ANKFN1: variants seen among roughly 807,000 people sequenced by gnomAD.
The protein encoded by ANKFN1 is ankyrin repeat and fibronectin type-III domain-containing protein 1.
A neutral mutation model predicts 108.7 loss-of-function variants in ANKFN1; 74 were observed. That is an observed-to-expected ratio of 0.68 (90% CI 0.56 to 0.83). ANKFN1 has a LOEUF of 0.83. Among genes scored for constraint, ANKFN1 ranks in the 40% least tolerant of loss-of-function variants. The pLI is 0.00. For synonymous variants in ANKFN1, 547 were observed against 516.2 expected (o/e 1.06, Z -0.81); for missense variants, 1,505 against 1,382.3 (o/e 1.09, Z -1.41).
At chr17:56,492,468 G>A (rs2051072785) in intron 19 of ANKFN1, 115 bp downstream of exon 19, 2 of 589,694 alleles carry the variant, frequency 3.4e-6, no homozygotes, top group Non-Finnish European at 6.2e-6. Context: ...AACACGGTGT[G>A]TAAGTTGCCT....
At chr17:56,174,452 G>T (rs1910945803) in intron 1 of ANKFN1, 2 of 976,030 alleles carry the variant, frequency 2.0e-6, no homozygotes, top group Non-Finnish European at 2.4e-6. Flanking sequence ...ATTGCTTGAG[G>T]GTTCTCTGGC....
intron 1 of ANKFN1, among the ~76,000 whole-genome samples, chr17:56,186,232 T>C (rs1319458369): frequency 2.0e-5 from 3 of 152,196 alleles, no homozygotes; most frequent in Non-Finnish European, 2.9e-5. Flanking sequence ...AATAAAATTA[T>C]TGGAGCAAAT....
chr17:56,326,493 G>C, intron 4 of ANKFN1, 138 bp downstream of exon 4: 1 of 1,106,732 alleles, frequency 9.0e-7, no homozygotes, highest in African/African-American at 1.6e-5. Flanking sequence ...GCTGCAGGTG[G>C]TCCATGAAGA....
chr17:56,094,631 G>A (rs1287392388), intron 4 of ANKFN1, among the ~76,000 whole-genome samples: 3 of 147,234 alleles, frequency 2.0e-5, no homozygotes, highest in Admixed American at 6.8e-5. Context: ...AGCCTCCCGT[G>A]TAGCTGGGAC....
Position 56,153,538 on chromosome 17 carries a change from A to C in ANKFN1, c.-71+8A>C. 1 of 1,613,980 alleles carries C rather than the reference A, an allele frequency of 6.2e-7. No homozygotes were observed. Among genetic ancestry groups the C allele is most frequent in the Non-Finnish European group, 8.5e-7 (1 of 1,179,824 alleles). On this transcript the variant is annotated splice_region_variant and intron_variant, in intron 1 of 20. Coordinates refer to ENST00000682825, the MANE Select transcript of ANKFN1 (RefSeq NM_001370326.1). ...GAGGCGTCTCTAACCAGGGTAGGAA[A>C]ACAATAGTTCTAAATATCGGTAATT...
chr17:56,191,946 C>T (rs1458538181), intron 1 of ANKFN1, among the ~76,000 whole-genome samples: 5 of 151,734 alleles, frequency 3.3e-5, no homozygotes, highest in African/African-American at 4.8e-5. Context: ...CTTCCCTTCT[C>T]GCTTCATTTC....
intron 8 of ANKFN1, among the ~76,000 whole-genome samples, chr17:56,411,962 A>T (rs1256374276): frequency 6.6e-6 from 1 of 152,078 alleles, no homozygotes; most frequent in Non-Finnish European, 1.5e-5. Flanking sequence ...TTCTTGTGTT[A>T]TTCCTTGGCT....
At chr17:56,133,338 C>T (rs1907397493) in intron 4 of ANKFN1, among the ~76,000 whole-genome samples, 1 of 152,176 alleles carries the variant, frequency 6.6e-6, no homozygotes, top group African/African-American at 2.4e-5. Context: ...CCAAAGTAAA[C>T]TAACCCCACA....
At chr17:56,435,607 T>C (rs151205123) in intron 8 of ANKFN1, among the ~76,000 whole-genome samples, 99 of 152,170 alleles carry the variant, frequency 6.5e-4, no homozygotes, top group African/African-American at 2.3e-3. Flanking sequence ...AGTGGAGGAT[T>C]TGGGTGATGT....
intron 4 of ANKFN1, among the ~76,000 whole-genome samples, chr17:56,056,360 T>A: frequency 8.2e-6 from 1 of 121,544 alleles, no homozygotes; most frequent in Non-Finnish European, 1.6e-5. Context: ...CCCTGAATAG[T>A]CAAAACAATT....
At chr17:56,243,067 C>T (rs965150472) in intron 3 of ANKFN1, among the ~76,000 whole-genome samples, 2 of 151,996 alleles carry the variant, frequency 1.3e-5, no homozygotes, top group Non-Finnish European at 2.9e-5. Flanking sequence ...GCAAATGTTC[C>T]ATTCAATTTT....
chr17:56,216,917 G>T lies in ANKFN1; in HGVS notation c.12+4238G>T, dbSNP rs143894975. Among the ~76,000 whole-genome samples the T allele has an allele frequency of 3.7e-4, 57 of 152,260 alleles. 1 individual carries two copies. The highest frequency in any genetic ancestry group is 1.2e-3 in the African/African-American group (50 of 41,560). ...GAGAAATAATGCTCAAACAAGGAAA[G>T]CTTCTATTGTAGGATGTGAAATAAA... On this transcript the variant is annotated intron_variant, in intron 2 of 20. Coordinates refer to ENST00000682825, the MANE Select transcript of ANKFN1 (RefSeq NM_001370326.1).
chr17:56,171,977 G>A (rs1418414722), intron 1 of ANKFN1, among the ~76,000 whole-genome samples: 1 of 149,204 alleles, frequency 6.7e-6, no homozygotes, highest in African/African-American at 2.5e-5. Flanking sequence ...GCATCCTTTG[G>A]TATTTGCTGT....
At chr17:56,336,562 A>G (rs537752106) in intron 4 of ANKFN1, among the ~76,000 whole-genome samples, 1 of 152,086 alleles carries the variant, frequency 6.6e-6, no homozygotes, top group South Asian at 2.1e-4. Context: ...ATCGGTGGTG[A>G]TATCCCCTTT....
chr17:56,248,387 G>C (rs1011719607), intron 3 of ANKFN1, among the ~76,000 whole-genome samples: 1 of 152,106 alleles, frequency 6.6e-6, no homozygotes, highest in African/African-American at 2.4e-5. Flanking sequence ...CCCAAAGTTT[G>C]TTCTGCTTCT....
At chr17:56,186,720 C>T (rs1174650648) in intron 1 of ANKFN1, among the ~76,000 whole-genome samples, 2 of 152,176 alleles carry the variant, frequency 1.3e-5, no homozygotes, top group African/African-American at 2.4e-5. Context: ...AGACTAGCTG[C>T]GTGTTGCTTA....
chr17:56,451,654 GATA>G (rs1396663790), intron 11 of ANKFN1, among the ~76,000 whole-genome samples: 4 of 152,066 alleles, frequency 2.6e-5, no homozygotes, highest in Non-Finnish European at 5.9e-5. Flanking sequence ...GCAAAGTCAG[GATA>G]ATATTACCTA....
At chr17:56,112,994 CAA>C (rs890605703) in intron 4 of ANKFN1, among the ~76,000 whole-genome samples, 14 of 152,266 alleles carry the variant, frequency 9.2e-5, no homozygotes, top group African/African-American at 3.4e-4. Context: ...ATGAATTTCC[CAA>C]AGAGCAATTA....
chr17:56,411,765 A>G (rs1464357135), intron 8 of ANKFN1, among the ~76,000 whole-genome samples: 1 of 152,146 alleles, frequency 6.6e-6, no homozygotes, highest in Non-Finnish European at 1.5e-5. Flanking sequence ...TTCATCCTTC[A>G]TTATGTTAAT....
Sources: allele counts gnomAD v4.1 joint callset (sites outside exome capture counted in the v4.1 genomes callset), GRCh38; gene constraint gnomAD v4.1.1; transcripts MANE v1.5; gene names NCBI Gene and HGNC (gene_info 2026-07-23, HGNC 2026-07-21).